Variants in GRIN2A observed in about 807,000 individuals in gnomAD.
GRIN2A encodes the protein glutamate receptor ionotropic, NMDA 2A.
A neutral mutation model predicts 113.4 loss-of-function variants in GRIN2A; 22 were observed. That is an observed-to-expected ratio of 0.19 (90% CI 0.14 to 0.28). The LOEUF is 0.28. Ranked by LOEUF, GRIN2A falls within the 10% of genes least tolerant of loss-of-function variation. The probability of loss-of-function intolerance (pLI) is 1.00; values close to 1 mark genes in which losing one functional copy is unlikely to be tolerated. For missense variants in GRIN2A, 1,502 were observed against 1,887.0 expected (o/e 0.80, Z 3.78); for synonymous variants, 827 against 738.4 (o/e 1.12, Z -1.94).
intron 4 of GRIN2A, among the ~76,000 whole-genome samples, chr16:9,888,173 T>G (rs1432973936): frequency 6.6e-6 from 1 of 152,182 alleles, no homozygotes; most frequent in East Asian, 1.9e-4. Flanking sequence ...ACTCCTGACC[T>G]CAGGTGGTCC....
At chr16:10,140,122 C>G (rs1318983922) in intron 2 of GRIN2A, among the ~76,000 whole-genome samples, 1 of 152,160 alleles carries the variant, frequency 6.6e-6, no homozygotes, top group Non-Finnish European at 1.5e-5. Context: ...TTGCTTTGGG[C>G]TGGAATATAT....
At chr16:10,031,046 AG>A (rs2046919351) in intron 2 of GRIN2A, among the ~76,000 whole-genome samples, 1 of 152,222 alleles carries the variant, frequency 6.6e-6, no homozygotes, top group Non-Finnish European at 1.5e-5. Flanking sequence ...AACTCGGGAA[AG>A]TGGTGTGGGG....
At chr16:9,778,019 C>G (rs1426169241) in intron 11 of GRIN2A, among the ~76,000 whole-genome samples, 1 of 152,146 alleles carries the variant, frequency 6.6e-6, no homozygotes, top group African/African-American at 2.4e-5. Flanking sequence ...GAGCTGAGAT[C>G]GCGCCATTGC....
intron 2 of GRIN2A, among the ~76,000 whole-genome samples, chr16:10,113,879 T>C (rs2048674644): frequency 1.3e-5 from 2 of 152,156 alleles, no homozygotes. Flanking sequence ...TTCATGACCT[T>C]GAGGAGTAGA....
At position 9,783,325 on chromosome 16, in the gene GRIN2A, C is replaced by T. The variant is rs565764697; in HGVS notation, c.2357-14236G>A. ...TTGCGTCCAAATCTAGTTCCAGATC[C>T]GATTTAATCGATAGAAGTGCTGGCT... On this transcript the variant is annotated intron_variant, in intron 11 of 12. Transcript: ENST00000330684. Among the ~76,000 whole-genome samples the T allele has an allele frequency of 5.3e-4, 81 of 152,276 alleles. 2 individuals carry two copies. The South Asian group carries it at 0.016, about 29-fold the overall frequency.
At chr16:10,062,933 G>A (rs1014454906) in intron 2 of GRIN2A, among the ~76,000 whole-genome samples, 1 of 151,838 alleles carries the variant, frequency 6.6e-6, no homozygotes, top group Non-Finnish European at 1.5e-5. Flanking sequence ...TCATATGTTC[G>A]CTGCAGCACT....
intron 2 of GRIN2A, among the ~76,000 whole-genome samples, chr16:10,130,448 C>A (rs2049037805): frequency 6.6e-6 from 1 of 152,238 alleles, no homozygotes; most frequent in African/African-American, 2.4e-5. Flanking sequence ...AAACATGATT[C>A]ACCGAACATC....
At position 9,807,153 on chromosome 16, in the gene GRIN2A, G is replaced by A. The variant is rs370901174; in HGVS notation, c.2169-8689C>T. ...TTTTCCTTATAAATTATCCAGTATC[G>A]GGTATGTCTTTATCAGCAGTGTGAA... On this transcript the variant is annotated intron_variant, in intron 10 of 12. Transcript: ENST00000330684. 1.5e-3 allele frequency among the ~76,000 whole-genome samples: 217 copies of A among 144,908 alleles called. 1 individual carries two copies. The highest frequency in any genetic ancestry group is 6.9e-3 in the Middle Eastern group (2 of 290).
At chr16:9,859,505 C>A (rs942371933) in intron 4 of GRIN2A, among the ~76,000 whole-genome samples, 2 of 151,788 alleles carry the variant, frequency 1.3e-5, no homozygotes, top group Non-Finnish European at 2.9e-5. Context: ...TATACAGGTA[C>A]ATTCATGCCT....
At chr16:10,126,324 C>A (rs1417530408) in intron 2 of GRIN2A, among the ~76,000 whole-genome samples, 1 of 151,880 alleles carries the variant, frequency 6.6e-6, no homozygotes, top group Non-Finnish European at 1.5e-5. Flanking sequence ...CCACACCTGG[C>A]TCATTTAAAA....
At chr16:10,070,833 G>C (rs1306995383) in intron 2 of GRIN2A, among the ~76,000 whole-genome samples, 1 of 152,216 alleles carries the variant, frequency 6.6e-6, no homozygotes, top group African/African-American at 2.4e-5. Context: ...GAGAAGACAT[G>C]TTCCAAGTAC....
At chr16:9,840,824 AAAAAAAAAAG>A (rs2042662328) in intron 6 of GRIN2A, 24 bp from the exon 7 acceptor site, 13 of 1,606,574 alleles carry the variant, frequency 8.1e-6, no homozygotes, top group South Asian at 4.4e-5. Context: ...AAAAAAAAAA[AAAAAAAAAAG>A]AGAGAGAGAG....
intron 2 of GRIN2A, among the ~76,000 whole-genome samples, chr16:10,144,138 C>T (rs10852261): frequency 4.0e-5 from 6 of 151,672 alleles, no homozygotes; most frequent in African/African-American, 1.2e-4. Context: ...AGTTCCATTA[C>T]GCTGGTGCTA....
chr16:9,934,214 T>C (rs192041679), intron 3 of GRIN2A, among the ~76,000 whole-genome samples: 1 of 152,306 alleles, frequency 6.6e-6, no homozygotes, highest in African/African-American at 2.4e-5. Context: ...ACTATTCTTT[T>C]TTCAATATTA....
chr16:9,975,515 C>T (rs2045758092), intron 2 of GRIN2A, among the ~76,000 whole-genome samples: 1 of 152,182 alleles, frequency 6.6e-6, no homozygotes, highest in Non-Finnish European at 1.5e-5. Context: ...GCCTGCCATC[C>T]ACAGACTGCA....
At chr16:10,105,182 C>T (rs887093985) in intron 2 of GRIN2A, among the ~76,000 whole-genome samples, 2 of 152,044 alleles carry the variant, frequency 1.3e-5, no homozygotes, top group Non-Finnish European at 1.5e-5. Context: ...GCCAGAAGGC[C>T]CTGAACCCCT....
intron 3 of GRIN2A, among the ~76,000 whole-genome samples, chr16:9,929,387 C>A (rs1250842042): frequency 6.6e-6 from 1 of 152,206 alleles, no homozygotes; most frequent in Non-Finnish European, 1.5e-5. Flanking sequence ...GTAAAAGACA[C>A]CACCATCTAC....
At chr16:10,040,506 C>T (rs1596454255) in intron 2 of GRIN2A, among the ~76,000 whole-genome samples, 1 of 151,736 alleles carries the variant, frequency 6.6e-6, no homozygotes, top group African/African-American at 2.4e-5. Context: ...CACACATCCA[C>T]ACCACAAACA....
intron 3 of GRIN2A, among the ~76,000 whole-genome samples, chr16:9,898,902 C>T (rs1186040897): frequency 6.6e-6 from 1 of 151,454 alleles, no homozygotes; most frequent in Non-Finnish European, 1.5e-5. Flanking sequence ...ACTATTCCCT[C>T]ATGGGCGCAA....
Sources: gnomAD v4.1 joint callset for allele counts (sites outside exome capture counted in the v4.1 genomes callset) on GRCh38, gnomAD v4.1.1 for gene constraint, MANE v1.5 for transcripts, NCBI Gene and HGNC (gene_info 2026-07-23, HGNC 2026-07-21) for gene names.